Variants in EXTL3 observed in about 807,000 individuals in gnomAD.
EXTL3 encodes the protein exostosin like glycosyltransferase 3, also known as exostosin-like 3.
EXTL3 carries 27 observed loss-of-function variants against 69.3 expected under a neutral mutation model. The ratio of observed to expected loss-of-function variants is 0.39; its 90% confidence interval spans 0.29 to 0.54. The LOEUF (loss-of-function observed/expected upper bound fraction) is 0.54. EXTL3 is among the 20% of genes least tolerant of loss of function. The pLI is 0.69. For synonymous variants in EXTL3, 511 were observed against 499.4 expected (o/e 1.02, Z -0.31); for missense variants, 1,003 against 1,231.8 (o/e 0.81, Z 2.78).
intron 1 of EXTL3, among the ~76,000 whole-genome samples, chr8:28,655,135 C>T (rs1806985206): frequency 6.6e-6 from 1 of 152,074 alleles, no homozygotes; most frequent in African/African-American, 2.4e-5. Flanking sequence ...AATCTTCCAC[C>T]TGATTTAATC....
intron 3 of EXTL3, among the ~76,000 whole-genome samples, chr8:28,727,733 T>C (rs1170867538): frequency 6.6e-6 from 1 of 152,180 alleles, no homozygotes; most frequent in African/African-American, 2.4e-5. Context: ...CCCAAAGCCA[T>C]GCTTTCTCCC....
In EXTL3 at chr8:28,716,726, C is replaced by T. The variant is rs749295482; in HGVS notation, c.667C>T (p.Arg223Ter). Residue 223 changes from arginine (R) to a stop codon, truncating the protein, a stop_gained, in exon 3 of 7, where the codon CGA (arginine) becomes TGA (stop). Transcript: ENST00000220562. LOFTEE classifies it high-confidence loss of function. The surrounding 1 kb of genome is among the most constrained non-coding windows in gnomAD (Gnocchi z 7.1). ...LVKQAFQATA[R>*]ANVYVTENAD... Reference sequence around the variant, plus strand: ...CAAGCAGGCTTTTCAGGCGACAGCACGAGCTAACGTTTATGTTACAGAAAA... The same window carrying T: ...CAAGCAGGCTTTTCAGGCGACAGCATGAGCTAACGTTTATGTTACAGAAAA... 2.5e-6 allele frequency: 4 copies of T among 1,614,090 alleles called. No individual in the cohort carries two copies. Among genetic ancestry groups the T allele is most frequent in the Admixed American group, 1.7e-5 (1 of 60,014 alleles).
chr8:28,713,048 A>G (rs1252788380), intron 1 of EXTL3, among the ~76,000 whole-genome samples: 2 of 152,220 alleles, frequency 1.3e-5, no homozygotes, highest in Non-Finnish European at 2.9e-5. Flanking sequence ...TCTACCCGCA[A>G]ACATTCCCCG....
chr8:28,622,631 G>A (rs1806431208), upstream of EXTL3: 1 of 150,672 alleles, frequency 6.6e-6, no homozygotes, highest in Non-Finnish European at 1.5e-5. Flanking sequence ...GGGCGGAGCC[G>A]GGAGCCTCCC....
chr8:28,727,987 A>G (rs1444682471), intron 3 of EXTL3, among the ~76,000 whole-genome samples: 2 of 152,246 alleles, frequency 1.3e-5, no homozygotes, highest in Non-Finnish European at 2.9e-5. Flanking sequence ...CTACAAGCCA[A>G]TATTCAAGAA....
intron 3 of EXTL3, among the ~76,000 whole-genome samples, chr8:28,724,913 G>A (rs1801380401): frequency 1.3e-5 from 2 of 152,082 alleles, no homozygotes. Flanking sequence ...CTGTTACCTA[G>A]GTCCTCCTGA....
chr8:28,724,601 G>C (rs891125005), intron 3 of EXTL3, among the ~76,000 whole-genome samples: 2 of 137,790 alleles, frequency 1.5e-5, no homozygotes, highest in African/African-American at 2.9e-5. Context: ...CCCTGTCTCT[G>C]CTTTAAAAAA....
At chr8:28,670,720 G>T (rs889743335) in intron 1 of EXTL3, among the ~76,000 whole-genome samples, 2 of 152,176 alleles carry the variant, frequency 1.3e-5, no homozygotes, top group African/African-American at 4.8e-5. Context: ...TGAGGCCCAA[G>T]CACAGCAGGC....
intron 1 of EXTL3, among the ~76,000 whole-genome samples, chr8:28,691,281 T>G (rs1022794984): frequency 2.6e-5 from 4 of 152,232 alleles, no homozygotes; most frequent in African/African-American, 9.6e-5. Context: ...TCAGCTTTGT[T>G]AAAAACTCAC....
At chr8:28,726,662 C>G (rs1252151986) in intron 3 of EXTL3, among the ~76,000 whole-genome samples, 1 of 152,096 alleles carries the variant, frequency 6.6e-6, no homozygotes, top group Admixed American at 6.6e-5. Flanking sequence ...CCACTAGATA[C>G]TAGACGCAAG....
chr8:28,626,087 T>G (rs1474010395), intron 1 of EXTL3, among the ~76,000 whole-genome samples: 1 of 147,580 alleles, frequency 6.8e-6, no homozygotes, highest in African/African-American at 2.5e-5. Context: ...TGTGAGGATC[T>G]CTTGAGTCCA....
At chr8:28,633,511 G>T (rs1272147517) in intron 1 of EXTL3, among the ~76,000 whole-genome samples, 1 of 151,914 alleles carries the variant, frequency 6.6e-6, no homozygotes, top group East Asian at 1.9e-4. Flanking sequence ...TTGGGCGCCT[G>T]TAGTCCCAGC....
chr8:28,656,758 C>G (rs1807017061), intron 1 of EXTL3, among the ~76,000 whole-genome samples: 1 of 152,064 alleles, frequency 6.6e-6, no homozygotes. Context: ...TGCCTAAAAC[C>G]TCCTCAAATA....
chr8:28,670,222 T>G (rs1451603908), intron 1 of EXTL3, among the ~76,000 whole-genome samples: 513 of 35,276 alleles, frequency 0.015, 7 homozygotes, highest in Admixed American at 0.019. Context: ...AAAAAAAAGG[T>G]TGGGGGGAGA....
At chr8:28,672,543 C>G (rs1382283104) in intron 1 of EXTL3, among the ~76,000 whole-genome samples, 2 of 152,128 alleles carry the variant, frequency 1.3e-5, no homozygotes, top group Admixed American at 1.3e-4. Flanking sequence ...TACTGGTTCT[C>G]AAAGTGTATT....
In EXTL3 at chr8:28,677,350, TC is replaced by T. The variant is rs1329223406; in HGVS notation, c.-52-36102del. 3.3e-5 allele frequency among the ~76,000 whole-genome samples: 5 copies of T among 152,104 alleles called. No individual in the cohort carries two copies. In the East Asian group the frequency reaches 9.7e-4, roughly 29 times the overall value. ...CGCTATTTACTTGTACCTTTCTGAC[TC>T]CCCCACTGTGCCTAGGAGCCTTTGT... On this transcript the variant is annotated intron_variant, in intron 1 of 6. Coordinates refer to the EXTL3 transcript ENST00000523149.
intron 3 of EXTL3, among the ~76,000 whole-genome samples, chr8:28,722,988 C>G (rs1351554423): frequency 1.3e-5 from 2 of 152,042 alleles, no homozygotes; most frequent in Non-Finnish European, 2.9e-5. Context: ...GTAGTGCACT[C>G]TTGGCGTCAG....
chr8:28,607,977 G>A (rs1295891568), intron 2 of EXTL3, among the ~76,000 whole-genome samples: 2 of 151,952 alleles, frequency 1.3e-5, no homozygotes, highest in African/African-American at 4.8e-5. Flanking sequence ...AGGCGTGGTG[G>A]TGGGCGCCTG....
At chr8:28,641,899 G>T (rs556433152) in intron 1 of EXTL3, among the ~76,000 whole-genome samples, 7 of 152,024 alleles carry the variant, frequency 4.6e-5, no homozygotes, top group African/African-American at 1.7e-4. Flanking sequence ...GCAGTGGAGC[G>T]ATCTTGGCTC....
Sources: gnomAD v4.1 joint callset for allele counts (sites outside exome capture counted in the v4.1 genomes callset) on GRCh38, gnomAD v4.1.1 for gene constraint, Gnocchi (gnomAD v3.1) non-coding constraint, MANE v1.5 for transcripts, NCBI Gene and HGNC (gene_info 2026-07-23, HGNC 2026-07-21) for gene names.